The following DHX37 variants were observed in gnomAD, a reference collection of about 807,000 sequenced individuals.
The protein encoded by DHX37 is probable ATP-dependent RNA helicase DHX37.
Under a neutral mutation model 134.3 loss-of-function variants are expected in DHX37, and 52 were observed. That is an observed-to-expected ratio of 0.39 (90% CI 0.31 to 0.49). DHX37 has a LOEUF of 0.49. DHX37 is among the 20% of genes least tolerant of loss of function. The pLI, the probability that DHX37 is intolerant of heterozygous loss-of-function variation, is 0.93. For missense variants in DHX37, 1,344 were observed against 1,580.8 expected, an observed-to-expected ratio of 0.85 and a Z score of 2.54; for synonymous variants, 634 against 670.7, an observed-to-expected ratio of 0.95 and a Z score of 0.85.
chr12:124,952,730 G>C, intron 20 of DHX37, 160 bp from the exon 21 acceptor site: 1 of 644,358 alleles, frequency 1.6e-6, no homozygotes, highest in Non-Finnish European at 2.3e-6. Context: ...AAAGCCCCCA[G>C]CAGGCAGGAT....
In DHX37 at chr12:124,980,767, C is replaced by A; in HGVS notation, c.461G>T (p.Arg154Leu). 1.9e-6 allele frequency: 3 copies of A among 1,556,668 alleles called. No homozygotes were observed. The highest frequency in any genetic ancestry group is 2.6e-6 in the Non-Finnish European group (3 of 1,152,986). ...CTCCTCCTCAGCTGAGGGCCAGCGG[C>A]GACGCTTCCGGTGGGCACCGCTGAG... is the stretch of plus-strand genomic sequence containing the variant. ...SSLSGAHRKRRRWPSAEEEEE... is the reference protein window; with the variant it reads ...SSLSGAHRKRLRWPSAEEEEE... The change falls in exon 4 of 27, where the codon CGC becomes CTC. Residue 154 changes from arginine (R) to leucine (L), a missense_variant. By Grantham distance (102) the Arg-to-Leu change is moderately radical (BLOSUM62 -2). Around this residue, in one of 7 missense-constraint regions of DHX37, gnomAD observed 319 missense variants for 296.1 expected, o/e 1.08. Coordinates refer to ENST00000308736, the MANE Select transcript of DHX37 (RefSeq NM_032656.4). The surrounding 1 kb of genome is among the most constrained non-coding windows in gnomAD (Gnocchi z 5.3).
intron 8 of DHX37, 30 bp downstream of exon 8, chr12:124,971,272 G>T (rs780549206): frequency 6.2e-7 from 1 of 1,604,252 alleles, no homozygotes; most frequent in Non-Finnish European, 8.5e-7. Flanking sequence ...CTAGGGCTCG[G>T]GGCTCCCCAG....
chr12:124,959,816 T>C (rs1954190227), intron 16 of DHX37, among the ~76,000 whole-genome samples: 2 of 152,214 alleles, frequency 1.3e-5, no homozygotes, highest in African/African-American at 4.8e-5. Context: ...TTACTAGATG[T>C]GTGTCCCTGG....
chr12:124,977,743 G>C (rs568147634), intron 4 of DHX37, among the ~76,000 whole-genome samples: 1 of 152,152 alleles, frequency 6.6e-6, no homozygotes, highest in Admixed American at 6.5e-5. Context: ...TCAGAGATAC[G>C]GGAACCCTCG....
chr12:124,961,890 A>G (rs4765011), intron 15 of DHX37, among the ~76,000 whole-genome samples: 55,944 of 152,002 alleles, frequency 0.37, 10,720 homozygotes, highest in East Asian at 0.64. Context: ...AATCCACAAT[A>G]TGATACCACT....
rs1954724354 is a variant in DHX37 at position 124,980,063 on chromosome 12, G to C, written c.738+427C>G. ...TTGTACCAGGAAGGAAACAGGCACA[G>C]AGAGGGGGAGCCCCTTCAGTAGCCG... is the stretch of plus-strand genomic sequence containing the variant. On this transcript the variant is annotated intron_variant, in intron 4 of 26. Coordinates refer to ENST00000308736, the MANE Select transcript of DHX37 (RefSeq NM_032656.4). This position sits in a 1 kb window ranked among gnomAD's most constrained non-coding sequence, Gnocchi z 5.3. Among the ~76,000 whole-genome samples the C allele has an allele frequency of 6.6e-6, 1 of 152,274 alleles. No individual in the cohort carries two copies. The highest frequency in any genetic ancestry group is 2.4e-5 in the African/African-American group (1 of 41,480).
intron 6 of DHX37, 94 bp from the exon 7 acceptor site, chr12:124,972,693 G>T: frequency 7.9e-7 from 1 of 1,269,738 alleles, no homozygotes; most frequent in Non-Finnish European, 1.1e-6. Flanking sequence ...GCAGGCAGGC[G>T]GCTTGAGGGC....
chr12:124,951,471 G>A (rs1439445555), intron 21 of DHX37, among the ~76,000 whole-genome samples: 1 of 152,196 alleles, frequency 6.6e-6, no homozygotes, highest in African/African-American at 2.4e-5. Flanking sequence ...CGGGGAACTG[G>A]GGACTCACAG....
At chr12:124,965,159 G>A (rs1437117232) in intron 13 of DHX37, 153 bp from the exon 14 acceptor site, 1 of 373,630 alleles carries the variant, frequency 2.7e-6, no homozygotes, top group Non-Finnish European at 3.7e-6. Context: ...GCCAGGCCAA[G>A]CCTGGGGGAA....
chr12:124,980,623 G>A lies in DHX37; in HGVS notation c.605C>T (p.Ala202Val). The change falls in exon 4 of 27, where the codon GCT (alanine) becomes GTT (valine). Residue 202 changes from alanine (A) to valine (V), a missense_variant. Coordinates refer to ENST00000308736, the MANE Select transcript of DHX37 (RefSeq NM_032656.4). This position sits in a 1 kb window ranked among gnomAD's most constrained non-coding sequence, Gnocchi z 5.3. The stretch of plus-strand genomic sequence containing the variant: ...CACGGGCTGACTGCTGGGTGCTGGA[G>A]CTGGCGGCAGAGGTGCCACGGTGGT... ...VGTTVAPLPP[A>V]PAPSSQPVPA... 6.2e-7 allele frequency: 1 copy of A among 1,608,890 alleles called. No homozygotes were observed. Among genetic ancestry groups the A allele is most frequent in the Non-Finnish European group, 8.5e-7 (1 of 1,179,570 alleles).
At chr12:124,983,430 C>CACACACACACACAA (rs1305459014) in intron 2 of DHX37, among the ~76,000 whole-genome samples, 4 of 151,680 alleles carry the variant, frequency 2.6e-5, no homozygotes. Context: ...CACACACACA[C>CACACACACACACAA]ACACACACAC....
At chr12:124,953,789 C>G in intron 20 of DHX37, 91 bp downstream of exon 20, 1 of 1,522,864 alleles carries the variant, frequency 6.6e-7, no homozygotes, top group South Asian at 1.2e-5. Flanking sequence ...AGTTTGCAAA[C>G]GTGGACTCTA....
Position 124,968,526 on chromosome 12 carries a change from G to A in DHX37, c.1408+8C>T, listed in dbSNP as rs1455087717. On this transcript the variant is annotated splice_region_variant and intron_variant, in intron 10 of 26. Coordinates refer to ENST00000308736, the MANE Select transcript of DHX37 (RefSeq NM_032656.4). ...GGCTTCTTTCCCCTGACCTGGCCAG[G>A]GCCTCACCTGCGGGCAGCATCCGGT... The A allele has an allele frequency of 1.9e-6, 3 of 1,612,186 alleles. No homozygotes were observed. The highest frequency in any genetic ancestry group is 1.1e-5 in the South Asian group (1 of 91,088).
At chr12:124,974,154 C>T (rs1954581093) in intron 6 of DHX37, among the ~76,000 whole-genome samples, 1 of 149,778 alleles carries the variant, frequency 6.7e-6, no homozygotes, top group South Asian at 2.1e-4. Context: ...TGGGGTTTCA[C>T]CGTGTTAGCC....
At chr12:124,970,583 G>GCCCTGTGTCCTCCCTCCACTGCC (rs1256096578) in intron 8 of DHX37, among the ~76,000 whole-genome samples, 3 of 152,118 alleles carry the variant, frequency 2.0e-5, no homozygotes, top group East Asian at 1.9e-4. Context: ...GCCCTCACTA[G>GCCCTGTGTCCTCCCTCCACTGCC]CCCTGTGTCC....
rs772219525 is a variant in DHX37, at chr12:124,949,951, C to T, written c.3290+35G>A. 8.8e-6 allele frequency: 14 copies of T among 1,582,532 alleles called. No individual in the cohort carries two copies. In the East Asian group the frequency reaches 3.0e-4, roughly 34 times the overall value. On this transcript the variant is annotated intron_variant, in intron 25 of 26. Transcript: ENST00000308736. This position sits in a 1 kb window ranked among gnomAD's most constrained non-coding sequence, Gnocchi z 4.0. ...GAGGTCATTCAGGCCTCGGACCCCT[C>T]CTGCCCACTGCGAGGCTCCCACCGA...
chr12:124,962,635 C>T (rs954590188), intron 15 of DHX37, among the ~76,000 whole-genome samples: 5 of 151,740 alleles, frequency 3.3e-5, no homozygotes, highest in South Asian at 4.2e-4. Flanking sequence ...TAGCCCAGGC[C>T]GACAACAGTG....
chr12:124,970,876 G>C (rs1362080994), intron 8 of DHX37, among the ~76,000 whole-genome samples: 1 of 152,234 alleles, frequency 6.6e-6, no homozygotes, highest in Non-Finnish European at 1.5e-5. Flanking sequence ...TGTCAGGCTG[G>C]GGCAGGGAGA....
rs1335372010 is a variant in DHX37, at chr12:124,968,523, C to G, written c.1408+11G>C. On this transcript the variant is annotated intron_variant, in intron 10 of 26. Coordinates refer to ENST00000308736, the MANE Select transcript of DHX37 (RefSeq NM_032656.4). Reference sequence around the variant, plus strand: ...GGAGGCTTCTTTCCCCTGACCTGGCCAGGGCCTCACCTGCGGGCAGCATCC... The same window carrying G: ...GGAGGCTTCTTTCCCCTGACCTGGCGAGGGCCTCACCTGCGGGCAGCATCC... 2.5e-6 allele frequency: 4 copies of G among 1,611,888 alleles called. No individual in the cohort carries two copies. The highest frequency in any genetic ancestry group is 1.6e-4 in the Middle Eastern group (1 of 6,084).
Sources: gnomAD v4.1 joint callset for allele counts (sites outside exome capture counted in the v4.1 genomes callset) on GRCh38, gnomAD v4.1.1 for gene constraint, gnomAD v4.1.1 regional missense constraint, Gnocchi (gnomAD v3.1) non-coding constraint, MANE v1.5 for transcripts, NCBI Gene and HGNC (gene_info 2026-07-23, HGNC 2026-07-21) for gene names.